THSD7A: variants seen among roughly 807,000 people sequenced by gnomAD.
THSD7A encodes thrombospondin type 1 domain containing 7A, also known as thrombospondin type-1 domain-containing protein 7A.
Under a neutral mutation model 231.3 loss-of-function variants are expected in THSD7A, and 96 were observed. The observed-to-expected ratio is 0.41, with a 90% CI of 0.35 to 0.49. The LOEUF is 0.49. Among genes scored for constraint, THSD7A ranks in the 20% least tolerant of loss-of-function variants. The probability of loss-of-function intolerance (pLI) is 0.05; values close to 1 mark genes in which losing one functional copy is unlikely to be tolerated. For missense variants in THSD7A, 2,290 were observed against 2,070.2 expected, an observed-to-expected ratio of 1.11 and a Z score of -2.06; for synonymous variants, 940 against 743.3, an observed-to-expected ratio of 1.26 and a Z score of -4.30.
rs755551327 is a variant in THSD7A, at chr7:11,590,524, C to G, written c.1389G>C (p.Glu463Asp). ...TTTCGTTGGCCTGCACGCAGTACAC[C>G]TCTCGGGTCTGGATGCCCCCTCCAC... ...ALCGGGIQTREVYCVQANENL... is the reference protein window; with the variant it reads ...ALCGGGIQTRDVYCVQANENL... The change falls in exon 4 of 28, where the codon GAG becomes GAC. Residue 463 changes from glutamate (E) to aspartate (D), a missense_variant. Coordinates refer to ENST00000423059, the MANE Select transcript of THSD7A (RefSeq NM_015204.3). This position sits in a 1 kb window ranked among gnomAD's most constrained non-coding sequence, Gnocchi z 4.4. 1 of 1,613,898 alleles carries G rather than the reference C, an allele frequency of 6.2e-7. No homozygotes were observed.
intron 6 of THSD7A, among the ~76,000 whole-genome samples, chr7:11,530,487 C>T (rs1788659862): frequency 6.6e-6 from 1 of 152,124 alleles, no homozygotes; most frequent in African/African-American, 2.4e-5. Context: ...AGGAAACAGT[C>T]ACACAAAAAT....
intron 1 of THSD7A, among the ~76,000 whole-genome samples, chr7:11,726,789 T>C (rs1472326838): frequency 6.6e-6 from 1 of 152,010 alleles, no homozygotes; most frequent in African/African-American, 2.4e-5. Context: ...TCGTCTTCAG[T>C]AGTCTGAAGA....
At chr7:11,699,892 A>G (rs555933177) in intron 1 of THSD7A, among the ~76,000 whole-genome samples, 9 of 151,418 alleles carry the variant, frequency 5.9e-5, no homozygotes, top group South Asian at 2.1e-4. Context: ...AAGTGTACAC[A>G]TAGATGGTTT....
intron 4 of THSD7A, among the ~76,000 whole-genome samples, chr7:11,585,285 C>T (rs1227717504): frequency 6.6e-6 from 1 of 152,136 alleles, no homozygotes; most frequent in Non-Finnish European, 1.5e-5. Context: ...TTTTGTAGTC[C>T]AGTGATCACA....
At chr7:11,499,866 G>A (rs1787260278) in intron 6 of THSD7A, among the ~76,000 whole-genome samples, 2 of 152,090 alleles carry the variant, frequency 1.3e-5, no homozygotes, top group Admixed American at 1.3e-4. Context: ...AAAGGGAGGG[G>A]GAGAAAACAA....
At chr7:11,711,342 T>A (rs572429884) in intron 1 of THSD7A, among the ~76,000 whole-genome samples, 1 of 151,046 alleles carries the variant, frequency 6.6e-6, no homozygotes, top group South Asian at 2.1e-4. Context: ...AAATCTAGGC[T>A]CTGCCGATTA....
At chr7:11,658,888 T>C (rs1317921559) in intron 1 of THSD7A, among the ~76,000 whole-genome samples, 1 of 151,680 alleles carries the variant, frequency 6.6e-6, no homozygotes, top group Non-Finnish European at 1.5e-5. Flanking sequence ...TATCTTAAGA[T>C]TCAGAGCAGA....
rs10229020 is a variant in THSD7A, at chr7:11,689,867, G to A, written c.191-52906C>T. Among the ~76,000 whole-genome samples, 819 of 147,710 alleles carry A rather than the reference G, an allele frequency of 5.5e-3. 6 individuals carry two copies. The highest frequency in any genetic ancestry group is 0.02 in the African/African-American group (789 of 40,062). On this transcript the variant is annotated intron_variant, in intron 1 of 27. Coordinates refer to ENST00000423059, the MANE Select transcript of THSD7A (RefSeq NM_015204.3). Reference sequence around the variant, plus strand: ...AAAGACCACAAAGCATTTCTGCCAAGCCAGGCTCCAGAGATTTGTATCTGC... The same window carrying A: ...AAAGACCACAAAGCATTTCTGCCAAACCAGGCTCCAGAGATTTGTATCTGC...
chr7:11,653,448 A>ATG (rs60933989), intron 1 of THSD7A, among the ~76,000 whole-genome samples: 20,399 of 126,848 alleles, frequency 0.16, 1,555 homozygotes, highest in Admixed American at 0.2. Flanking sequence ...ACTCCCAGAT[A>ATG]TGTGTGTGTG....
intron 6 of THSD7A, among the ~76,000 whole-genome samples, chr7:11,513,306 G>T (rs971661829): frequency 6.6e-6 from 1 of 150,616 alleles, no homozygotes; most frequent in Non-Finnish European, 1.5e-5. Flanking sequence ...ATCACTTATG[G>T]AAAAATAGAA....
intron 6 of THSD7A, among the ~76,000 whole-genome samples, chr7:11,492,432 G>A (rs1305956634): frequency 1.3e-5 from 2 of 151,970 alleles, no homozygotes; most frequent in Non-Finnish European, 2.9e-5. Context: ...TGGGTAATGG[G>A]GAAATTATGA....
intron 1 of THSD7A, among the ~76,000 whole-genome samples, chr7:11,754,485 A>G (rs1169639230): frequency 6.6e-6 from 1 of 152,102 alleles, no homozygotes; most frequent in African/African-American, 2.4e-5. Context: ...AAGAAATTAC[A>G]TGTTTACTAC....
chr7:11,691,843 T>C (rs923049656), intron 1 of THSD7A, among the ~76,000 whole-genome samples: 4 of 151,444 alleles, frequency 2.6e-5, no homozygotes, highest in African/African-American at 4.8e-5. Flanking sequence ...TCTCCTATCA[T>C]AGGAGATATG....
At chr7:11,704,376 T>C (rs1359944262) in intron 1 of THSD7A, among the ~76,000 whole-genome samples, 1 of 151,028 alleles carries the variant, frequency 6.6e-6, no homozygotes, top group East Asian at 2.0e-4. Context: ...GATGGAATTA[T>C]AATGTTTTCT....
chr7:11,611,913 G>C (rs1780947335), intron 2 of THSD7A, among the ~76,000 whole-genome samples: 1 of 150,868 alleles, frequency 6.6e-6, no homozygotes, highest in Non-Finnish European at 1.5e-5. Flanking sequence ...TCCCCTGAAA[G>C]ATATGGTAAC....
chr7:11,553,794 G>A (rs1188519844), intron 4 of THSD7A, among the ~76,000 whole-genome samples: 2 of 151,906 alleles, frequency 1.3e-5, no homozygotes, highest in Non-Finnish European at 2.9e-5. Context: ...TGTTTTGAAT[G>A]TTTATGGTTC....
intron 6 of THSD7A, among the ~76,000 whole-genome samples, chr7:11,538,804 C>G (rs1789022965): frequency 6.6e-6 from 1 of 152,094 alleles, no homozygotes; most frequent in Non-Finnish European, 1.5e-5. Context: ...CCTGGGGTCT[C>G]TTACAACCCT....
At chr7:11,568,082 G>A (rs1790442437) in intron 4 of THSD7A, among the ~76,000 whole-genome samples, 1 of 152,006 alleles carries the variant, frequency 6.6e-6, no homozygotes, top group Non-Finnish European at 1.5e-5. Context: ...ATTCTTTCGT[G>A]AATTTAAATA....
chr7:11,579,250 C>T (rs1030625127), intron 4 of THSD7A, among the ~76,000 whole-genome samples: 1 of 152,186 alleles, frequency 6.6e-6, no homozygotes. Flanking sequence ...AGTTTGCACT[C>T]CTCTGTTAAC....
Sources: allele counts gnomAD v4.1 joint callset (sites outside exome capture counted in the v4.1 genomes callset), GRCh38; gene constraint gnomAD v4.1.1; non-coding constraint Gnocchi (gnomAD v3.1); transcripts MANE v1.5; gene names NCBI Gene and HGNC (gene_info 2026-07-23, HGNC 2026-07-21).